Variants in COP1 observed in about 807,000 individuals in gnomAD.
COP1 encodes E3 ubiquitin-protein ligase COP1.
In COP1, 24 loss-of-function variants were observed where a neutral mutation model predicts 101.3. That is an observed-to-expected ratio of 0.24 (90% confidence interval 0.17 to 0.33). The LOEUF (loss-of-function observed/expected upper bound fraction) is 0.33, where lower values mean the gene tolerates loss of function less well. COP1 is among the 10% of genes least tolerant of loss of function. COP1 has a pLI of 1.00. For missense variants in COP1, 663 were observed against 906.2 expected (o/e 0.73, Z 3.45); for synonymous variants, 347 against 341.9 (o/e 1.01, Z -0.17).
chr1:176,063,045 A>ATG (rs1675191574), intron 11 of COP1, among the ~76,000 whole-genome samples: 1 of 95,990 alleles, frequency 1.0e-5, no homozygotes. Flanking sequence ...ATTTTTGAAA[A>ATG]TGTTTTTTTT....
chr1:176,058,338 G>A (rs1674172211), intron 11 of COP1, among the ~76,000 whole-genome samples: 2 of 152,174 alleles, frequency 1.3e-5, no homozygotes, highest in Admixed American at 1.3e-4. Flanking sequence ...GGGGAAAGGT[G>A]GGGAAAAGAT....
At chr1:176,120,411 G>A (rs1278962112) in intron 8 of COP1, among the ~76,000 whole-genome samples, 2 of 151,326 alleles carry the variant, frequency 1.3e-5, no homozygotes, top group Non-Finnish European at 2.9e-5. Flanking sequence ...TGGGTGACAG[G>A]GCAAGACTCT....
chr1:176,001,268 A>G (rs953630116), intron 15 of COP1, among the ~76,000 whole-genome samples: 2 of 152,152 alleles, frequency 1.3e-5, no homozygotes, highest in African/African-American at 4.8e-5. Context: ...TCTATTTCAA[A>G]AAACCTGGAT....
chr1:176,134,962 A>G, intron 8 of COP1, 48 bp downstream of exon 8: 3 of 1,388,274 alleles, frequency 2.2e-6, no homozygotes, highest in Non-Finnish European at 3.1e-6. Flanking sequence ...GACCATATGC[A>G]TACTTTGTAA....
intron 11 of COP1, among the ~76,000 whole-genome samples, chr1:176,069,585 T>C (rs1194115561): frequency 6.6e-6 from 1 of 152,202 alleles, no homozygotes; most frequent in African/African-American, 2.4e-5. Flanking sequence ...GATGAAGAAG[T>C]ATTCTTGCCA....
At chr1:176,133,205 T>TATGTATGTAG (rs1572434536) in intron 8 of COP1, among the ~76,000 whole-genome samples, 2 of 126,418 alleles carry the variant, frequency 1.6e-5, no homozygotes, top group Non-Finnish European at 3.4e-5. Context: ...TATGTACGTA[T>TATGTATGTAG]GTACACACAT....
At chr1:176,047,179 T>C (rs1266760402) in intron 11 of COP1, among the ~76,000 whole-genome samples, 1 of 152,192 alleles carries the variant, frequency 6.6e-6, no homozygotes, top group African/African-American at 2.4e-5. Context: ...TTCCTCAATA[T>C]GATTTAAGCA....
intron 1 of COP1, 63 bp from the exon 2 acceptor site, chr1:176,184,755 G>A (rs1698240379): frequency 8.6e-7 from 1 of 1,161,120 alleles, no homozygotes; most frequent in South Asian, 1.3e-5. Flanking sequence ...AATTGGAAAA[G>A]ACTAGTAACA....
chr1:176,019,274 C>T (rs1003702592), intron 15 of COP1, among the ~76,000 whole-genome samples: 1 of 151,650 alleles, frequency 6.6e-6, no homozygotes, highest in African/African-American at 2.4e-5. Context: ...ATAAGCCTGA[C>T]AAATGTGGTG....
intron 8 of COP1, among the ~76,000 whole-genome samples, chr1:176,127,064 G>A (rs368596555): frequency 1.3e-5 from 2 of 151,946 alleles, no homozygotes; most frequent in Admixed American, 1.3e-4. Context: ...ATATCCCAGC[G>A]CCTAACAGTG....
intron 5 of COP1, among the ~76,000 whole-genome samples, chr1:176,157,729 C>T (rs1693690707): frequency 1.3e-5 from 2 of 152,060 alleles, no homozygotes; most frequent in African/African-American, 4.8e-5. Context: ...CAGCACTGAA[C>T]AAGGTGAAAT....
chr1:176,072,602 T>C (rs1677199007), intron 11 of COP1, among the ~76,000 whole-genome samples: 1 of 152,174 alleles, frequency 6.6e-6, no homozygotes, highest in South Asian at 2.1e-4. Context: ...AAAAATCATA[T>C]CCATTCCTTA....
intron 8 of COP1, among the ~76,000 whole-genome samples, chr1:176,121,647 C>T (rs892716842): frequency 6.6e-6 from 1 of 152,120 alleles, no homozygotes; most frequent in African/African-American, 2.4e-5. Flanking sequence ...TCCTCTAGGA[C>T]AGTATTTCTA....
chr1:175,988,527 ACTGAGTTAGCACGTTCAT>A (rs550529687), intron 16 of COP1, 115 bp from the exon 17 acceptor site: 8 of 1,007,894 alleles, frequency 7.9e-6, no homozygotes, highest in Non-Finnish European at 1.1e-5. Flanking sequence ...CTGGAGCCAG[ACTGAGTTAGCACGTTCAT>A]CTGTCGGCCA....
intron 11 of COP1, among the ~76,000 whole-genome samples, chr1:176,064,508 C>G (rs1038919060): frequency 6.6e-6 from 1 of 152,252 alleles, no homozygotes; most frequent in East Asian, 1.9e-4. Flanking sequence ...GTGAATAGCC[C>G]TATCAACATT....
At chr1:175,992,135 T>A (rs1658673632) in intron 15 of COP1, among the ~76,000 whole-genome samples, 1 of 152,238 alleles carries the variant, frequency 6.6e-6, no homozygotes, top group African/African-American at 2.4e-5. Flanking sequence ...ATATGAGATG[T>A]TTTGATACAG....
At chr1:176,043,308 G>T in intron 13 of COP1, 41 bp from the exon 14 acceptor site, 1 of 1,202,242 alleles carries the variant, frequency 8.3e-7, no homozygotes, top group Non-Finnish European at 1.2e-6. Context: ...ATAGAATACA[G>T]ATCTCAAAAT....
intron 5 of COP1, among the ~76,000 whole-genome samples, chr1:176,152,786 C>A (rs617078): frequency 1.3e-5 from 2 of 151,954 alleles, no homozygotes; most frequent in East Asian, 1.9e-4. Flanking sequence ...GTGTGTTTCC[C>A]CTACTTGGGT....
chr1:175,994,480 G>A (rs984154931), intron 15 of COP1, among the ~76,000 whole-genome samples: 2 of 152,184 alleles, frequency 1.3e-5, no homozygotes, highest in African/African-American at 4.8e-5. Flanking sequence ...ACCCATCAGT[G>A]TGCTGTATTC....
Sources: gnomAD v4.1 joint callset for allele counts (sites outside exome capture counted in the v4.1 genomes callset) on GRCh38, gnomAD v4.1.1 for gene constraint, MANE v1.5 for transcripts, NCBI Gene and HGNC (gene_info 2026-07-23, HGNC 2026-07-21) for gene names.